The following DOCK4 variants were observed in gnomAD, a reference collection of about 807,000 sequenced individuals.
The protein encoded by DOCK4 is dedicator of cytokinesis protein 4.
In DOCK4, 97 loss-of-function variants were observed where a neutral mutation model predicts 268.1. That is an observed-to-expected ratio of 0.36 (90% CI 0.31 to 0.43). The LOEUF is 0.43. Ranked by LOEUF, DOCK4 falls within the 20% of genes least tolerant of loss-of-function variation. The probability of loss-of-function intolerance (pLI) is 1.00; values close to 1 mark genes in which losing one functional copy is unlikely to be tolerated. For synonymous variants in DOCK4, 954 were observed against 887.2 expected (o/e 1.08, Z -1.34); for missense variants, 2,145 against 2,455.7 (o/e 0.87, Z 2.67).
At chr7:111,889,526 G>A (rs78734966) in intron 16 of DOCK4, among the ~76,000 whole-genome samples, 1,716 of 152,214 alleles carry the variant, frequency 0.011, 30 homozygotes, top group African/African-American at 0.038. Flanking sequence ...TGAAGTTTGA[G>A]ATAAGCAGAG....
At chr7:112,076,918 A>G (rs1279583857) in intron 1 of DOCK4, among the ~76,000 whole-genome samples, 1 of 151,956 alleles carries the variant, frequency 6.6e-6, no homozygotes. Context: ...TTCCAATAGC[A>G]TAAAACAAAG....
intron 1 of DOCK4, among the ~76,000 whole-genome samples, chr7:112,101,590 A>G (rs918741140): frequency 2.6e-5 from 4 of 152,188 alleles, no homozygotes; most frequent in Admixed American, 6.5e-5. Flanking sequence ...CACACAGTGA[A>G]GCCCCTCAGA....
chr7:111,859,341 G>A (rs553481725), intron 23 of DOCK4, among the ~76,000 whole-genome samples: 5 of 152,228 alleles, frequency 3.3e-5, no homozygotes, highest in Non-Finnish European at 7.4e-5. Context: ...AATGGGAAAT[G>A]ACTCCATCAT....
chr7:111,974,639 G>C (rs1481754617), intron 8 of DOCK4, among the ~76,000 whole-genome samples: 1 of 151,208 alleles, frequency 6.6e-6, no homozygotes, highest in South Asian at 2.1e-4. Context: ...AGAGGGAAAA[G>C]TGGAGGGAGA....
At chr7:112,104,033 C>G (rs1327124443) in intron 1 of DOCK4, among the ~76,000 whole-genome samples, 1 of 152,220 alleles carries the variant, frequency 6.6e-6, no homozygotes, top group Non-Finnish European at 1.5e-5. Flanking sequence ...GACCACCTAG[C>G]AGCCAGAGCT....
intron 52 of DOCK4, among the ~76,000 whole-genome samples, chr7:111,730,065 G>T (rs1479149404): frequency 6.6e-6 from 1 of 152,116 alleles, no homozygotes; most frequent in Non-Finnish European, 1.5e-5. Context: ...CACTTTGCCA[G>T]TCCCCACTAT....
intron 1 of DOCK4, among the ~76,000 whole-genome samples, chr7:112,076,217 C>T (rs1189564047): frequency 3.9e-5 from 6 of 151,904 alleles, no homozygotes; most frequent in Non-Finnish European, 8.8e-5. Context: ...TTTATATGCC[C>T]TTGAAACAGG....
At position 111,895,644 on chromosome 7, in the gene DOCK4, G is replaced by A. The variant is rs1808685764; in HGVS notation, c.1555C>T (p.Pro519Ser). The change falls in exon 16 of 53, where the codon CCA becomes TCA. Residue 519 changes from proline to serine, a missense_variant. This residue lies in a region of DOCK4 where 1,598 missense variants were observed against 1,986.7 expected (regional missense o/e 0.80). Transcript: ENST00000428084. ...ACGATGAGCTCATGAGTGCCATCTG[G>A]AAGAGTCCTACCATCTTCTTGCATC... ...PLMQEDGRTL[P>S]DGTHELIVHK... The A allele has an allele frequency of 6.2e-7, 1 of 1,613,784 alleles. No individual in the cohort carries two copies. The highest frequency in any genetic ancestry group is 1.1e-5 in the South Asian group (1 of 91,086).
At chr7:111,884,285 G>A (rs115364205) in intron 16 of DOCK4, among the ~76,000 whole-genome samples, 2,867 of 152,208 alleles carry the variant, frequency 0.019, 44 homozygotes, top group Middle Eastern at 0.071. Flanking sequence ...TCTGCACTGC[G>A]TGTATATTCT....
intron 1 of DOCK4, among the ~76,000 whole-genome samples, chr7:112,154,586 C>T (rs1816434781): frequency 6.6e-6 from 1 of 152,166 alleles, no homozygotes; most frequent in African/African-American, 2.4e-5. Context: ...ACATAGGGTA[C>T]AGTCTACAAT....
At chr7:112,058,047 T>G (rs1806003331) in intron 1 of DOCK4, among the ~76,000 whole-genome samples, 1 of 141,472 alleles carries the variant, frequency 7.1e-6, no homozygotes, top group Non-Finnish European at 1.5e-5. Flanking sequence ...TTTTTTTTTT[T>G]TTTACTAGTA....
chr7:111,952,495 A>C (rs1294727945), intron 8 of DOCK4, among the ~76,000 whole-genome samples: 1 of 152,226 alleles, frequency 6.6e-6, no homozygotes, highest in African/African-American at 2.4e-5. Flanking sequence ...TTTATATTTC[A>C]CATAAAAATT....
chr7:111,996,823 T>C (rs1357816501), intron 4 of DOCK4, among the ~76,000 whole-genome samples: 3 of 152,224 alleles, frequency 2.0e-5, no homozygotes, highest in African/African-American at 7.2e-5. Context: ...GACGTACTTA[T>C]TTAAAAACCA....
chr7:112,006,004 T>C lies in DOCK4; in HGVS notation c.38-1873A>G, dbSNP rs143967905. ...ATCTTCCCTTTCTTGAATCTTCTAC[T>C]GCTTCTGTCACACTCGCCAGCCTTC... is the stretch of plus-strand genomic sequence containing the variant. On this transcript the variant is annotated intron_variant, in intron 1 of 52. Transcript: ENST00000428084. Among the ~76,000 whole-genome samples, 351 of 152,326 alleles carry C rather than the reference T, an allele frequency of 2.3e-3. 5 individuals are homozygous for C. Among genetic ancestry groups the C allele is most frequent in the Admixed American group, 0.02 (304 of 15,302 alleles).
intron 51 of DOCK4, among the ~76,000 whole-genome samples, chr7:111,734,797 G>A (rs1378298434): frequency 6.6e-6 from 1 of 152,170 alleles, no homozygotes; most frequent in Non-Finnish European, 1.5e-5. Context: ...GTGCCTCCCC[G>A]AATTTGAGAA....
In DOCK4 at chr7:111,739,142, G is replaced by A. The variant is rs150569245; in HGVS notation, c.5224C>T (p.Pro1742Ser). ...CSAIYPTPVEPSQRMLFNHIG... is the reference protein window; with the variant it reads ...CSAIYPTPVESSQRMLFNHIG... ...TACCCTACAAGGAGTACCTGCGAAGGCTCCACAGGTGTTGGATAGATGGCA... is the reference window on the plus strand; with the variant it reads ...TACCCTACAAGGAGTACCTGCGAAGACTCCACAGGTGTTGGATAGATGGCA... The change falls in exon 49 of 53, where the codon CCT becomes TCT. Residue 1742 changes from proline (P) to serine (S), a missense_variant. By Grantham distance (74) the Pro-to-Ser change is moderately conservative. Transcript: ENST00000428084. 6.2e-7 allele frequency: 1 copy of A among 1,611,430 alleles called. No homozygotes were observed. The highest frequency in any genetic ancestry group is 1.1e-5 in the South Asian group (1 of 91,000).
rs77897005 is a variant in DOCK4 at position 111,931,974 on chromosome 7, G to T, written c.1066+3566C>A. On this transcript the variant is annotated intron_variant, in intron 12 of 52. Coordinates refer to ENST00000428084, the MANE Select transcript of DOCK4 (RefSeq NM_001363540.2). Reference sequence around the variant, plus strand: ...GAGATGACTCCTGTCTGTAAGCAGAGGGAAATGTGTGGTTTGGTTTAACTG... The same window carrying T: ...GAGATGACTCCTGTCTGTAAGCAGATGGAAATGTGTGGTTTGGTTTAACTG... Among the ~76,000 whole-genome samples the T allele has an allele frequency of 6.2e-3, 939 of 152,276 alleles. 13 individuals are homozygous for T. The highest frequency in any genetic ancestry group is 0.022 in the African/African-American group (904 of 41,548).
chr7:112,187,370 G>A (rs149329023), intron 1 of DOCK4, among the ~76,000 whole-genome samples: 23 of 152,192 alleles, frequency 1.5e-4, no homozygotes, highest in African/African-American at 4.8e-4. Context: ...GTCTACATGC[G>A]AATAATTTCA....
At chr7:112,014,951 T>G (rs1447219436) in intron 1 of DOCK4, among the ~76,000 whole-genome samples, 3 of 151,800 alleles carry the variant, frequency 2.0e-5, no homozygotes, top group Non-Finnish European at 2.9e-5. Flanking sequence ...GAAAGAAGAA[T>G]TGTCAGAGGT....
Sources: allele counts gnomAD v4.1 joint callset (sites outside exome capture counted in the v4.1 genomes callset), GRCh38; gene constraint gnomAD v4.1.1; regional missense constraint gnomAD v4.1.1; transcripts MANE v1.5; gene names NCBI Gene and HGNC (gene_info 2026-07-23, HGNC 2026-07-21).